Variants in TPST1 observed in about 807,000 individuals in gnomAD.
TPST1 encodes protein-tyrosine sulfotransferase 1.
In TPST1, 20 loss-of-function variants were observed where a neutral mutation model predicts 34.8. That is an observed-to-expected ratio of 0.57 (90% CI 0.40 to 0.84). TPST1 has a LOEUF of 0.84. TPST1 is among the 40% of genes least tolerant of loss of function. TPST1 has a pLI of 0.00. For missense variants in TPST1, 353 were observed against 455.5 expected, an observed-to-expected ratio of 0.78 and a Z score of 2.05; for synonymous variants, 152 against 159.4, an observed-to-expected ratio of 0.95 and a Z score of 0.35.
chr7:66,221,091 C>T (rs914346244), intron 1 of TPST1, among the ~76,000 whole-genome samples: 1 of 151,688 alleles, frequency 6.6e-6, no homozygotes, highest in Non-Finnish European at 1.5e-5. Context: ...CGAGATTGTG[C>T]CACTGCACTC....
At chr7:66,294,510 C>G (rs1584214315) in intron 3 of TPST1, among the ~76,000 whole-genome samples, 1 of 151,950 alleles carries the variant, frequency 6.6e-6, no homozygotes, top group East Asian at 1.9e-4. Flanking sequence ...TCATTATTAG[C>G]AGCTATATGG....
At chr7:66,203,061 C>T (rs973345285), upstream of TPST1, among the ~76,000 whole-genome samples, 1 of 152,032 alleles carries the variant, frequency 6.6e-6, no homozygotes, top group East Asian at 1.9e-4. Flanking sequence ...GCCTGGGCAA[C>T]AAGAGCGAAA....
chr7:66,234,200 A>C, intron 1 of TPST1, among the ~76,000 whole-genome samples: 1 of 152,272 alleles, frequency 6.6e-6, no homozygotes, highest in South Asian at 2.1e-4. Context: ...TTCCCGTTAC[A>C]TGGCTTTTGC....
chr7:66,313,056 GAAAA>G (rs57209573), intron 3 of TPST1, among the ~76,000 whole-genome samples: 1 of 145,450 alleles, frequency 6.9e-6, no homozygotes, highest in Non-Finnish European at 1.5e-5. Flanking sequence ...TAAGGATCCT[GAAAA>G]AAAAAAAAAA....
chr7:66,239,047 A>G (rs1016305089), intron 1 of TPST1, among the ~76,000 whole-genome samples: 2 of 152,172 alleles, frequency 1.3e-5, no homozygotes, highest in South Asian at 2.1e-4. Flanking sequence ...TTTGCAGCCT[A>G]TACACTAGCT....
rs1791417409 is a variant in TPST1 at position 66,306,092 on chromosome 7, A to G, written c.1044+19383A>G. Among the ~76,000 whole-genome samples, 3 of 152,172 alleles carry G rather than the reference A, an allele frequency of 2.0e-5. No homozygotes were observed. The South Asian group carries it at 6.2e-4, about 31-fold the overall frequency. On this transcript the variant is annotated intron_variant, in intron 3 of 5. Coordinates refer to ENST00000304842, the MANE Select transcript of TPST1 (RefSeq NM_003596.4). ...AAGGCGATGGGAGATATGTGATTGC[A>G]TGATTATATTATATAAGATTACAGC...
At position 66,216,034 on chromosome 7, in the gene TPST1, G is replaced by C. The variant is rs1021938378; in HGVS notation, c.-102+10512G>C. On this transcript the variant is annotated intron_variant, in intron 1 of 5. Coordinates refer to ENST00000304842, the MANE Select transcript of TPST1 (RefSeq NM_003596.4). ...GATCCGCCCGCCTTGGCCTCCCAAA[G>C]TGCTGGGATGTGAGCCACCGCGCCC... Among the ~76,000 whole-genome samples, 5 of 152,192 alleles carry C rather than the reference G, an allele frequency of 3.3e-5. No homozygotes were observed. In the South Asian group the frequency reaches 8.3e-4, roughly 25 times the overall value.
At chr7:66,343,431 G>C (rs529850865) in intron 3 of TPST1, among the ~76,000 whole-genome samples, 1 of 152,108 alleles carries the variant, frequency 6.6e-6, no homozygotes, top group Non-Finnish European at 1.5e-5. Flanking sequence ...GGGAGAAAGG[G>C]TTGAAAAGCT....
At chr7:66,218,842 A>G (rs1458591020) in intron 1 of TPST1, among the ~76,000 whole-genome samples, 3 of 150,030 alleles carry the variant, frequency 2.0e-5, no homozygotes, top group Admixed American at 6.6e-5. Flanking sequence ...GCAAGACTCC[A>G]TCTCAAAAAA....
At chr7:66,285,239 C>T (rs1003953348) in intron 2 of TPST1, among the ~76,000 whole-genome samples, 1 of 152,112 alleles carries the variant, frequency 6.6e-6, no homozygotes, top group Non-Finnish European at 1.5e-5. Context: ...GAGTGAATGG[C>T]AGGTGCTTTT....
At chr7:66,301,451 C>T (rs1461035150) in intron 3 of TPST1, among the ~76,000 whole-genome samples, 1 of 152,180 alleles carries the variant, frequency 6.6e-6, no homozygotes. Flanking sequence ...GTATTCACAA[C>T]TTGACTATTT....
intron 1 of TPST1, among the ~76,000 whole-genome samples, chr7:66,207,034 T>C (rs1315891516): frequency 1.3e-5 from 2 of 152,184 alleles, no homozygotes; most frequent in Non-Finnish European, 2.9e-5. Flanking sequence ...AGCATTGTCA[T>C]TGGCCCTGTA....
intron 1 of TPST1, among the ~76,000 whole-genome samples, chr7:66,231,216 T>C (rs1007771558): frequency 2.6e-5 from 4 of 151,960 alleles, no homozygotes; most frequent in Non-Finnish European, 4.4e-5. Flanking sequence ...TACAGAGTGC[T>C]GATTGGTGTA....
intron 3 of TPST1, among the ~76,000 whole-genome samples, chr7:66,294,783 T>C (rs1791159094): frequency 6.6e-6 from 1 of 152,094 alleles, no homozygotes; most frequent in Admixed American, 6.6e-5. Context: ...GTATTTTCTC[T>C]CCTCTGCATT....
chr7:66,228,964 G>T (rs777426499), intron 1 of TPST1, among the ~76,000 whole-genome samples: 24 of 151,968 alleles, frequency 1.6e-4, no homozygotes, highest in Non-Finnish European at 3.5e-4. Flanking sequence ...TGTGACTTTT[G>T]ATACATATAT....
At chr7:66,320,703 A>G (rs1209153648) in intron 3 of TPST1, among the ~76,000 whole-genome samples, 1 of 151,674 alleles carries the variant, frequency 6.6e-6, no homozygotes, top group Non-Finnish European at 1.5e-5. Flanking sequence ...GGTTCAAGCG[A>G]TTCTCCTGCC....
At chr7:66,356,324 C>T (rs1014810625) in intron 4 of TPST1, among the ~76,000 whole-genome samples, 4 of 152,204 alleles carry the variant, frequency 2.6e-5, no homozygotes, top group Non-Finnish European at 5.9e-5. Flanking sequence ...AAGCAGGGCA[C>T]GTCACCCTCC....
Position 66,349,634 on chromosome 7 carries a change from A to G in TPST1, c.1045-2871A>G, listed in dbSNP as rs181742603. On this transcript the variant is annotated intron_variant, in intron 3 of 5. Coordinates refer to ENST00000304842, the MANE Select transcript of TPST1 (RefSeq NM_003596.4). ...TGAGACCTCAACCCACTGACAAGAG[A>G]AGAGGGACTGGGGCAGACCCAACCT... is the stretch of plus-strand genomic sequence containing the variant. 2.3e-3 allele frequency among the ~76,000 whole-genome samples: 346 copies of G among 152,248 alleles called. 2 individuals are homozygous for G. Among genetic ancestry groups the G allele is most frequent in the Admixed American group, 0.021 (317 of 15,292 alleles).
At chr7:66,260,291 A>AT (rs971977424) in intron 2 of TPST1, among the ~76,000 whole-genome samples, 2 of 152,194 alleles carry the variant, frequency 1.3e-5, no homozygotes, top group Non-Finnish European at 2.9e-5. Flanking sequence ...CCTCAAGGTG[A>AT]TTTTATACAA....
Sources: gnomAD v4.1 joint callset for allele counts (sites outside exome capture counted in the v4.1 genomes callset) on GRCh38, gnomAD v4.1.1 for gene constraint, MANE v1.5 for transcripts, NCBI Gene and HGNC (gene_info 2026-07-23, HGNC 2026-07-21) for gene names.